CPD: variants seen among roughly 807,000 people sequenced by gnomAD.
CPD encodes the protein metallocarboxypeptidase D.
In CPD, 69 loss-of-function variants were observed where a neutral mutation model predicts 138.3. The ratio of observed to expected loss-of-function variants is 0.50; its 90% CI spans 0.41 to 0.61. CPD has a LOEUF of 0.61. CPD is among the 20% of genes least tolerant of loss of function. The pLI, the probability that CPD is intolerant of heterozygous loss-of-function variation, is 0.00. For missense variants in CPD, 1,432 were observed against 1,733.3 expected, an observed-to-expected ratio of 0.83 and a Z score of 3.09; for synonymous variants, 651 against 642.1, an observed-to-expected ratio of 1.01 and a Z score of -0.21.
intron 2 of CPD, among the ~76,000 whole-genome samples, chr17:30,400,252 C>A (rs903457292): frequency 2.0e-5 from 3 of 152,086 alleles, no homozygotes; most frequent in Non-Finnish European, 4.4e-5. Context: ...TTTAGTTGCT[C>A]TAGTAAATAC....
intron 2 of CPD, among the ~76,000 whole-genome samples, chr17:30,419,129 A>C (rs1023728545): frequency 1.3e-5 from 2 of 152,182 alleles, no homozygotes; most frequent in African/African-American, 4.8e-5. Flanking sequence ...AGGCTCCAAT[A>C]ATATTGCTGC....
At chr17:30,447,406 C>G (rs1361643257) in intron 12 of CPD, among the ~76,000 whole-genome samples, 1 of 152,082 alleles carries the variant, frequency 6.6e-6, no homozygotes, top group Non-Finnish European at 1.5e-5. Flanking sequence ...ATCTTGGGAA[C>G]TTTAAGGAGA....
rs1262685312 is a variant in CPD at position 30,467,557 on chromosome 17, CAT to C, written c.*2746_*2747del. 1 of 152,156 alleles carries C rather than the reference CAT, an allele frequency of 6.6e-6. No homozygotes were observed. Among genetic ancestry groups the C allele is most frequent in the Non-Finnish European group, 1.5e-5 (1 of 68,020 alleles). The allele number at this position is 152,156 out of a possible 1,614,324, so 9.4% of individuals were successfully genotyped here. ...ACTTTGTCATCTTCCAGAAAGGAAA[CAT>C]ATTGTATATTTGGCCCAGTGTGATT... is the stretch of plus-strand genomic sequence containing the variant. On this transcript the variant is annotated 3_prime_UTR_variant, in exon 21 of 21. Transcript: ENST00000225719.
intron 2 of CPD, among the ~76,000 whole-genome samples, chr17:30,417,324 T>G (rs1912136791): frequency 6.6e-6 from 1 of 152,174 alleles, no homozygotes; most frequent in Non-Finnish European, 1.5e-5. Context: ...TGGCATATAC[T>G]AGGTGCTCAA....
At position 30,421,623 on chromosome 17, in the gene CPD, C is replaced by G. The variant is rs1445471159; in HGVS notation, c.1138-41C>G. ...GAGAGAAATTATGCGCTCTTGCCTT[C>G]CAAATTCACCGTCTCTGAGCTTGGA... is the stretch of plus-strand genomic sequence containing the variant. On this transcript the variant is annotated intron_variant, in intron 3 of 20. Coordinates refer to ENST00000225719, the MANE Select transcript of CPD (RefSeq NM_001304.5). 6.3e-6 allele frequency: 10 copies of G among 1,598,456 alleles called. No homozygotes were observed. The African/African-American group carries it at 1.3e-4, about 21-fold the overall frequency.
At chr17:30,427,364 A>G in intron 6 of CPD, 27 bp from the exon 7 acceptor site, 4 of 1,606,392 alleles carry the variant, frequency 2.5e-6, no homozygotes, top group Non-Finnish European at 3.4e-6. Flanking sequence ...CATGGCTTAT[A>G]TTCAAATCCT....
At chr17:30,462,496 A>T (rs1197601217) in intron 20 of CPD, 27 bp downstream of exon 20, 32 of 1,533,684 alleles carry the variant, frequency 2.1e-5, no homozygotes, top group Admixed American at 6.8e-5. Flanking sequence ...TTTTAGTAGT[A>T]AAAGTTAAAA....
In CPD at chr17:30,379,466, C is replaced by A; in HGVS notation, c.486C>A (p.Arg162=). 6.4e-7 allele frequency: 1 copy of A among 1,572,888 alleles called. No individual in the cohort carries two copies. The highest frequency in any genetic ancestry group is 1.8e-5 in the Admixed American group (1 of 56,702). ...LARELAAGYR[R]GDPRLVRLLN... ...GCGAGCTGGCGGCCGGCTACCGCCG[C>A]GGGGACCCGCGCCTGGTCCGCCTGC... The change falls in exon 1 of 21, where the codon CGC becomes CGA. Residue 162 remains arginine, a synonymous_variant. Transcript: ENST00000225719. The surrounding 1 kb of genome is among the most constrained non-coding windows in gnomAD (Gnocchi z 7.0).
chr17:30,403,621 A>T (rs1350886321), intron 2 of CPD, among the ~76,000 whole-genome samples: 1 of 152,226 alleles, frequency 6.6e-6, no homozygotes, highest in African/African-American at 2.4e-5. Context: ...CTTAAAATTT[A>T]AGAGACTTTC....
chr17:30,438,007 T>C (rs1912752357), intron 8 of CPD, among the ~76,000 whole-genome samples: 1 of 142,640 alleles, frequency 7.0e-6, no homozygotes, highest in Non-Finnish European at 1.5e-5. Flanking sequence ...TGGCTTTTTT[T>C]TTTTTTTTTT....
chr17:30,447,292 G>A (rs551388511), intron 12 of CPD, among the ~76,000 whole-genome samples: 22 of 152,176 alleles, frequency 1.4e-4, no homozygotes, highest in African/African-American at 2.2e-4. Context: ...TTTCTTCTAG[G>A]GTTTTTATGG....
At chr17:30,416,636 A>G (rs1912113885) in intron 2 of CPD, among the ~76,000 whole-genome samples, 1 of 152,050 alleles carries the variant, frequency 6.6e-6, no homozygotes, top group South Asian at 2.1e-4. Context: ...TCTATTCCTT[A>G]CACTTACCAA....
At chr17:30,401,379 TCCTC>T (rs1217881968) in intron 2 of CPD, among the ~76,000 whole-genome samples, 2 of 151,460 alleles carry the variant, frequency 1.3e-5, no homozygotes, top group Admixed American at 6.6e-5. Flanking sequence ...TTCCTCTTCT[TCCTC>T]CTCTTCCTCT....
chr17:30,422,537 CA>C, intron 4 of CPD, 136 bp from the exon 5 acceptor site: 1 of 582,798 alleles, frequency 1.7e-6, no homozygotes, highest in East Asian at 3.0e-5. Flanking sequence ...CTTAAATTTA[CA>C]CATCTCTCTT....
At chr17:30,405,940 TCTC>T (rs963011323) in intron 2 of CPD, among the ~76,000 whole-genome samples, 1 of 152,074 alleles carries the variant, frequency 6.6e-6, no homozygotes, top group African/African-American at 2.4e-5. Context: ...TTTACTAAAA[TCTC>T]CTACATCCCT....
At chr17:30,388,025 G>A (rs1388571877) in intron 2 of CPD, among the ~76,000 whole-genome samples, 1 of 152,168 alleles carries the variant, frequency 6.6e-6, no homozygotes, top group Non-Finnish European at 1.5e-5. Flanking sequence ...AGGAACCCTG[G>A]AGTGGGTGGC....
At position 30,465,803 on chromosome 17, in the gene CPD, T is replaced by C. The variant is rs754617906; in HGVS notation, c.*989T>C. On this transcript the variant is annotated 3_prime_UTR_variant, in exon 21 of 21. Transcript: ENST00000225719. ...GACCTACTTGCACATTCTTAACCTG[T>C]ATTTGAACACAAAATATCTATACTT... The C allele has an allele frequency of 2.0e-5, 3 of 152,620 alleles. No homozygotes were observed. Among genetic ancestry groups the C allele is most frequent in the Non-Finnish European group, 2.9e-5 (2 of 68,026 alleles). The allele number at this position is 152,620 out of a possible 1,614,324, so 9.5% of individuals were successfully genotyped here. A position where few individuals can be genotyped will look rare whatever the true frequency, so the allele number is the denominator to read the frequency against.
chr17:30,447,389 A>T (rs536936889), intron 12 of CPD, among the ~76,000 whole-genome samples: 33 of 152,278 alleles, frequency 2.2e-4, no homozygotes, highest in Middle Eastern at 3.4e-3. Flanking sequence ...GATCTTTTTA[A>T]TAGTGAATCT....
Position 30,385,212 on chromosome 17 carries a change from G to T in CPD, c.970G>T (p.Gly324Cys). 6.2e-7 allele frequency: 1 copy of T among 1,613,936 alleles called. No homozygotes were observed. Among genetic ancestry groups the T allele is most frequent in the Non-Finnish European group, 8.5e-7 (1 of 1,179,910 alleles). Residue 324 changes from glycine (G) to cysteine (C), a missense_variant, in exon 2 of 21, where the codon GGC (glycine) becomes TGC (cysteine). Physicochemically the swap from Gly to Cys is radical, Grantham distance 159. Transcript: ENST00000225719. The stretch of plus-strand genomic sequence containing the variant: ...GACTTTCAAAGATGGAATCACAAAC[G>T]GCGCACATTGGTATGATGTGGAAGG... ...DETFKDGITN[G>C]AHWYDVEGGM...
Sources: allele counts gnomAD v4.1 joint callset (sites outside exome capture counted in the v4.1 genomes callset), GRCh38; gene constraint gnomAD v4.1.1; non-coding constraint Gnocchi (gnomAD v3.1); transcripts MANE v1.5; gene names NCBI Gene and HGNC (gene_info 2026-07-23, HGNC 2026-07-21).